The following RSF1 variants were observed in gnomAD, a reference collection of about 807,000 sequenced individuals.
The protein encoded by RSF1 is HBV pX-associated protein 8.
Under a neutral mutation model 145.2 loss-of-function variants are expected in RSF1, and 13 were observed. That is an observed-to-expected ratio of 0.09 (90% CI 0.06 to 0.14). The LOEUF (loss-of-function observed/expected upper bound fraction) is 0.14, where lower values mean the gene tolerates loss of function less well. Among genes scored for constraint, RSF1 ranks in the 10% least tolerant of loss-of-function variants. RSF1 has a pLI of 1.00. For missense variants in RSF1, 1,517 were observed against 1,718.2 expected (o/e 0.88, Z 2.07); for synonymous variants, 577 against 592.6 (o/e 0.97, Z 0.38).
intron 1 of RSF1, chr11:77,813,688 G>C: frequency 2.1e-6 from 1 of 481,584 alleles, no homozygotes; most frequent in Non-Finnish European, 4.0e-6. Context: ...GCTGCTGCAC[G>C]GCTTCCTGAC....
chr11:77,737,454 C>CAA (rs397963793), intron 4 of RSF1, among the ~76,000 whole-genome samples: 1 of 124,356 alleles, frequency 8.0e-6, no homozygotes, highest in Non-Finnish European at 1.7e-5. Context: ...GATCCTGTCT[C>CAA]AAAAAAAAAA....
the RSF1 span, among the ~76,000 whole-genome samples, chr11:77,871,317 T>G: frequency 1.3e-5 from 2 of 152,232 alleles, no homozygotes; most frequent in Non-Finnish European, 2.9e-5. Flanking sequence ...TAATAATAGC[T>G]GTCACTATTA....
upstream of RSF1, chr11:77,820,739 G>A (rs1018650206): frequency 6.5e-7 from 1 of 1,534,940 alleles, no homozygotes; most frequent in Non-Finnish European, 8.8e-7. Flanking sequence ...TGGAGGAGGA[G>A]GCGATGGGGG....
intron 1 of RSF1, among the ~76,000 whole-genome samples, chr11:77,819,403 T>C (rs1231523105): frequency 6.6e-6 from 1 of 151,816 alleles, no homozygotes; most frequent in Non-Finnish European, 1.5e-5. Flanking sequence ...AAGCACTCAG[T>C]GTGAAGGCTG....
At chr11:77,675,287 G>A in intron 13 of RSF1, 31 bp from the exon 14 acceptor site, 1 of 1,557,344 alleles carries the variant, frequency 6.4e-7, no homozygotes, top group Non-Finnish European at 8.7e-7. Flanking sequence ...AAAATACAAT[G>A]GTATTTAGAA....
Position 77,663,622 on chromosome 11 carries a change from T to C in RSF1, c.*3295A>G, listed in dbSNP as rs992977630. 6.6e-6 allele frequency: 1 copy of C among 152,180 alleles called. No homozygotes were observed. Among genetic ancestry groups the C allele is most frequent in the Non-Finnish European group, 1.5e-5 (1 of 68,028 alleles). 9.4% of individuals were successfully genotyped at this position (152,180 alleles called of 1,614,324 possible). On this transcript the variant is annotated 3_prime_UTR_variant, in exon 16 of 16. Transcript: ENST00000308488. ...TTGAAAAAAGGATGTCAAGGAAATATAACTTGATGTACATTCTTGAAAATA... is the reference window on the plus strand; with the variant it reads ...TTGAAAAAAGGATGTCAAGGAAATACAACTTGATGTACATTCTTGAAAATA...
At chr11:77,810,925 G>GT (rs1278962012) in intron 1 of RSF1, among the ~76,000 whole-genome samples, 15 of 152,104 alleles carry the variant, frequency 9.9e-5, no homozygotes, top group Admixed American at 7.9e-4. Context: ...TTTGGGTTTT[G>GT]TTTTTTTCTG....
At position 77,666,828 on chromosome 11, in the gene RSF1, T is replaced by C; in HGVS notation, c.*89A>G. On this transcript the variant is annotated 3_prime_UTR_variant, in exon 16 of 16. Transcript: ENST00000308488. ...TAAAAGTCATTCTGTAGTGGAGTTT[T>C]CTAGGAAAAATTAAACAGCTTTTAA... The C allele has an allele frequency of 8.7e-7, 1 of 1,155,446 alleles. No homozygotes were observed. Among genetic ancestry groups the C allele is most frequent in the South Asian group, 2.0e-5 (1 of 50,092 alleles). 71.6% of individuals were successfully genotyped at this position (1,155,446 alleles called of 1,614,324 possible).
At chr11:77,729,593 C>CA (rs763731047) in intron 4 of RSF1, among the ~76,000 whole-genome samples, 1,403 of 138,614 alleles carry the variant, frequency 0.01, 9 homozygotes, top group Non-Finnish European at 0.011. Flanking sequence ...CCCAACCCCA[C>CA]AAAAAAAAAA....
intron 3 of RSF1, among the ~76,000 whole-genome samples, chr11:77,744,381 G>A (rs987319432): frequency 6.6e-6 from 1 of 152,074 alleles, no homozygotes; most frequent in African/African-American, 2.4e-5. Context: ...CTGAAGTGCA[G>A]TGGCACGATC....
At chr11:77,821,727 G>T (rs1008996461), upstream of RSF1, among the ~76,000 whole-genome samples, 1 of 151,964 alleles carries the variant, frequency 6.6e-6, no homozygotes, top group South Asian at 2.1e-4. Flanking sequence ...ACTTCGGGGC[G>T]GGGCGGGGGC....
the RSF1 span, among the ~76,000 whole-genome samples, chr11:77,857,228 G>C: frequency 1.3e-5 from 2 of 152,186 alleles, no homozygotes; most frequent in Non-Finnish European, 2.9e-5. Flanking sequence ...ATGGTAATGA[G>C]AGGAAGGAAT....
At chr11:77,694,281 CA>C (rs1330073812) in intron 7 of RSF1, among the ~76,000 whole-genome samples, 1 of 152,036 alleles carries the variant, frequency 6.6e-6, no homozygotes, top group Non-Finnish European at 1.5e-5. Flanking sequence ...TTTTAAAACA[CA>C]AAAAATTTCC....
rs148573834 is a variant in RSF1 at position 77,740,553 on chromosome 11, G to A, written c.578+178C>T. On this transcript the variant is annotated intron_variant, in intron 4 of 15. Coordinates refer to ENST00000308488, the MANE Select transcript of RSF1 (RefSeq NM_016578.4). Reference sequence around the variant, plus strand: ...TACTGAATATACTCATTTACTTGACGAATAAAAAACTAAGTGCATACTATG... The same window carrying A: ...TACTGAATATACTCATTTACTTGACAAATAAAAAACTAAGTGCATACTATG... Among the ~76,000 whole-genome samples, 46 of 152,080 alleles carry A rather than the reference G, an allele frequency of 3.0e-4. 1 individual carries two copies. The highest frequency in any genetic ancestry group is 2.9e-3 in the Admixed American group (45 of 15,262).
intron 5 of RSF1, among the ~76,000 whole-genome samples, chr11:77,705,714 C>T (rs1960532156): frequency 6.6e-6 from 1 of 152,004 alleles, no homozygotes; most frequent in African/African-American, 2.4e-5. Flanking sequence ...TCTTTGGGTC[C>T]AGATTCTATA....
At chr11:77,669,962 C>T (rs757226508) in intron 15 of RSF1, among the ~76,000 whole-genome samples, 2 of 152,148 alleles carry the variant, frequency 1.3e-5, no homozygotes, top group Non-Finnish European at 2.9e-5. Flanking sequence ...GATCTCATCT[C>T]TATAAAATAA....
chr11:77,734,467 G>A, intron 4 of RSF1: 15 of 1,582,134 alleles, frequency 9.5e-6, no homozygotes, highest in Non-Finnish European at 1.2e-5. Flanking sequence ...GGGGAAATTA[G>A]CCGAGGCTTA....
the RSF1 span, chr11:77,842,586 AG>A: frequency 5.0e-6 from 8 of 1,613,868 alleles, no homozygotes; most frequent in South Asian, 7.7e-5. Flanking sequence ...AAGTATGGCC[AG>A]GGGGTAGTCG....
chr11:77,820,013 G>A (rs1483755213), intron 1 of RSF1, among the ~76,000 whole-genome samples: 1 of 152,196 alleles, frequency 6.6e-6, no homozygotes. Context: ...AGTGTCCGCT[G>A]GCCCCCGCCC....
Sources: gnomAD v4.1 joint callset for allele counts (sites outside exome capture counted in the v4.1 genomes callset) on GRCh38, gnomAD v4.1.1 for gene constraint, MANE v1.5 for transcripts, NCBI Gene and HGNC (gene_info 2026-07-23, HGNC 2026-07-21) for gene names.